The following GARIN2 variants were observed in gnomAD, a reference collection of about 807,000 sequenced individuals.
The protein encoded by GARIN2 is golgi associated RAB2 interactor family member 2.
the GARIN2 span, chr14:67,203,242 T>C: frequency 6.2e-7 from 1 of 1,610,960 alleles, no homozygotes; most frequent in Non-Finnish European, 8.5e-7. Flanking sequence ...ACAGAAACCC[T>C]GTTTAAAAGT....
the GARIN2 span, chr14:67,198,438 C>T: frequency 1.1e-6 from 1 of 925,890 alleles, no homozygotes; most frequent in South Asian, 1.8e-5. Context: ...TGTGATACTA[C>T]AAAAGAGAAC....
the GARIN2 span, among the ~76,000 whole-genome samples, chr14:67,202,830 T>A: frequency 6.6e-6 from 1 of 152,222 alleles, no homozygotes; most frequent in Non-Finnish European, 1.5e-5. Context: ...CCTGGACTTG[T>A]ACTTGGTAAA....
the GARIN2 span, among the ~76,000 whole-genome samples, chr14:67,206,988 C>A: frequency 6.6e-6 from 1 of 152,018 alleles, no homozygotes; most frequent in South Asian, 2.1e-4. Flanking sequence ...CCTTGGCAAG[C>A]AAAAATATTC....
the GARIN2 span, among the ~76,000 whole-genome samples, chr14:67,193,954 C>CAAAAAAAAAACA: frequency 0.056 from 4,758 of 85,566 alleles, 141 homozygotes; most frequent in Non-Finnish European, 0.07. Flanking sequence ...CAAAAAAAAA[C>CAAAAAAAAAACA]AAAAAAAAAA....
chr14:67,193,330 CTATATAGA>C, the GARIN2 span, among the ~76,000 whole-genome samples: 1 of 135,246 alleles, frequency 7.4e-6, no homozygotes, highest in East Asian at 2.2e-4. Flanking sequence ...CTATATATCT[CTATATAGA>C]TATCTATCTA....
At chr14:67,191,441 T>G in the GARIN2 span, among the ~76,000 whole-genome samples, 1 of 152,190 alleles carries the variant, frequency 6.6e-6, no homozygotes, top group Non-Finnish European at 1.5e-5. Context: ...CAGACATCCC[T>G]CTGAATTAGG....
At chr14:67,202,721 AT>A in the GARIN2 span, among the ~76,000 whole-genome samples, 4 of 152,178 alleles carry the variant, frequency 2.6e-5, no homozygotes, top group Admixed American at 2.6e-4. Context: ...TTATGTGTAA[AT>A]GTGTGTACCT....
At chr14:67,202,883 T>C in the GARIN2 span, among the ~76,000 whole-genome samples, 1 of 152,232 alleles carries the variant, frequency 6.6e-6, no homozygotes, top group Non-Finnish European at 1.5e-5. Flanking sequence ...AATTGTTTAA[T>C]GTTTGCCTTC....
chr14:67,199,251 A>C, the GARIN2 span: 1 of 1,599,342 alleles, frequency 6.3e-7, no homozygotes, highest in Non-Finnish European at 8.6e-7. Flanking sequence ...TTCTTGAGTG[A>C]GGATGATGCT....
chr14:67,224,926 T>C, the GARIN2 span: 3 of 474,882 alleles, frequency 6.3e-6, no homozygotes, highest in South Asian at 8.7e-5. Flanking sequence ...AATTCAACAA[T>C]AAGCTCCATT....
At chr14:67,204,786 G>T in the GARIN2 span, 1 of 1,613,962 alleles carries the variant, frequency 6.2e-7, no homozygotes, top group Non-Finnish European at 8.5e-7. Flanking sequence ...CAGGCTCCAT[G>T]GATGTGACGG....
At chr14:67,193,869 G>A in the GARIN2 span, among the ~76,000 whole-genome samples, 47 of 148,040 alleles carry the variant, frequency 3.2e-4, no homozygotes, top group Middle Eastern at 3.5e-3. Context: ...CACTTGGGCT[G>A]GGGAGGTTGA....
chr14:67,204,900 C>T, the GARIN2 span: 11 of 1,613,850 alleles, frequency 6.8e-6, no homozygotes, highest in South Asian at 7.7e-5. Context: ...CAGACATCAC[C>T]GACATCACAG....
At chr14:67,225,926 A>AGTGTGTGTGT in the GARIN2 span, among the ~76,000 whole-genome samples, 10,682 of 136,506 alleles carry the variant, frequency 0.078, 530 homozygotes, top group Non-Finnish European at 0.11. Flanking sequence ...TAATGCTGTG[A>AGTGTGTGTGT]GTGTGTGTGT....
the GARIN2 span, among the ~76,000 whole-genome samples, chr14:67,203,467 T>A: frequency 6.6e-6 from 1 of 152,130 alleles, no homozygotes; most frequent in Non-Finnish European, 1.5e-5. Flanking sequence ...TGTATGACAA[T>A]GGGTATCCAA....
At chr14:67,194,439 G>A in the GARIN2 span, among the ~76,000 whole-genome samples, 104 of 150,846 alleles carry the variant, frequency 6.9e-4, 1 homozygote, top group African/African-American at 2.3e-3. Flanking sequence ...TGAGGGGGGC[G>A]TGTGTGTGTG....
chr14:67,194,364 A>G, the GARIN2 span, among the ~76,000 whole-genome samples: 1 of 152,002 alleles, frequency 6.6e-6, no homozygotes, highest in Non-Finnish European at 1.5e-5. Flanking sequence ...ACCTGTAGAA[A>G]AAAAAAAAAA....
chr14:67,223,631 T>C, the GARIN2 span: 96 of 746,078 alleles, frequency 1.3e-4, 2 homozygotes, highest in African/African-American at 7.6e-5. Flanking sequence ...TGGCACAACT[T>C]ACAAAATGGG....
the GARIN2 span, chr14:67,199,901 CAGG>C: frequency 6.8e-7 from 1 of 1,480,880 alleles, no homozygotes; most frequent in East Asian, 2.3e-5. Context: ...GCAGGAACCC[CAGG>C]GGCAGGACAT....
Sources: gnomAD v4.1 joint callset for allele counts (sites outside exome capture counted in the v4.1 genomes callset) on GRCh38, gnomAD v4.1.1 for gene constraint, MANE v1.5 for transcripts, NCBI Gene and HGNC (gene_info 2026-07-23, HGNC 2026-07-21) for gene names.